QKI: variants seen among roughly 807,000 people sequenced by gnomAD.
QKI encodes KH domain-containing RNA-binding protein QKI.
Under a neutral mutation model 39.0 loss-of-function variants are expected in QKI, and 10 were observed. That is an observed-to-expected ratio of 0.26 (90% CI 0.16 to 0.43). The LOEUF (loss-of-function observed/expected upper bound fraction) is 0.43. Among genes scored for constraint, QKI ranks in the 20% least tolerant of loss-of-function variants. The pLI, the probability that QKI is intolerant of heterozygous loss-of-function variation, is 1.00. For synonymous variants in QKI, 204 were observed against 155.4 expected (o/e 1.31, Z -2.33); for missense variants, 218 against 428.0 (o/e 0.51, Z 4.33).
chr6:163,538,270 G>C (rs1646588834), intron 4 of QKI, among the ~76,000 whole-genome samples: 1 of 152,190 alleles, frequency 6.6e-6, no homozygotes, highest in South Asian at 2.1e-4. Context: ...TACTGACAAT[G>C]AGGAAAACAA....
intron 5 of QKI, among the ~76,000 whole-genome samples, chr6:163,562,980 A>G (rs1344907104): frequency 1.3e-5 from 2 of 152,200 alleles, no homozygotes; most frequent in Admixed American, 6.5e-5. Context: ...TGCAATAAAA[A>G]TTATTCTTTC....
chr6:163,568,525 C>T lies in QKI; in HGVS notation c.1009+1730C>T, dbSNP rs187069593. On this transcript the variant is annotated intron_variant, in intron 7 of 7. Coordinates refer to ENST00000361752, the MANE Select transcript of QKI (RefSeq NM_006775.3). ...ATTTCTTTTTTAGTAACAGAGTACT[C>T]GTATACTTATCACTGTATGCACTCA... 269 of 983,348 alleles carry T rather than the reference C, an allele frequency of 2.7e-4. No homozygotes were observed. In the African/African-American group the frequency reaches 3.6e-3, roughly 13 times the overall value. The allele number at this position is 983,348 out of a possible 1,614,324, so 60.9% of individuals were successfully genotyped here.
At chr6:163,523,522 A>G (rs187623807) in intron 3 of QKI, among the ~76,000 whole-genome samples, 6 of 152,334 alleles carry the variant, frequency 3.9e-5, no homozygotes, top group African/African-American at 1.4e-4. Context: ...TTTGTTTAAT[A>G]AATGCATAAT....
intron 7 of QKI, 139 bp downstream of exon 7, chr6:163,566,934 T>C (rs1484672405): frequency 7.6e-6 from 11 of 1,442,876 alleles, no homozygotes; most frequent in Non-Finnish European, 1.0e-5. Context: ...TTTGTGATCA[T>C]TGACAGATTT....
chr6:163,554,312 C>T (rs929983825), intron 4 of QKI, among the ~76,000 whole-genome samples: 4 of 152,124 alleles, frequency 2.6e-5, no homozygotes, highest in African/African-American at 9.7e-5. Flanking sequence ...TCTTCAGGGT[C>T]GGCTGCTTTA....
chr6:163,510,453 T>A (rs915599351), intron 3 of QKI, among the ~76,000 whole-genome samples: 1 of 145,148 alleles, frequency 6.9e-6, no homozygotes, highest in African/African-American at 2.6e-5. Context: ...CCCAGCTACT[T>A]GGGAGGCTGA....
At chr6:163,551,037 A>G (rs953704628) in intron 4 of QKI, among the ~76,000 whole-genome samples, 2 of 152,110 alleles carry the variant, frequency 1.3e-5, no homozygotes, top group Non-Finnish European at 2.9e-5. Flanking sequence ...ATGTTATCTA[A>G]TTCATTGATT....
intron 4 of QKI, among the ~76,000 whole-genome samples, chr6:163,554,906 G>A (rs575262042): frequency 1.3e-5 from 2 of 152,318 alleles, no homozygotes; most frequent in African/African-American, 4.8e-5. Flanking sequence ...AAATAGCACA[G>A]TGAGGCTTTA....
At chr6:163,560,101 C>T (rs1317792505) in intron 4 of QKI, among the ~76,000 whole-genome samples, 1 of 152,064 alleles carries the variant, frequency 6.6e-6, no homozygotes, top group African/African-American at 2.4e-5. Context: ...CTTCTCATAC[C>T]AGTCACTTAT....
intron 3 of QKI, among the ~76,000 whole-genome samples, chr6:163,523,778 T>C (rs1396332606): frequency 6.6e-6 from 1 of 152,222 alleles, no homozygotes; most frequent in African/African-American, 2.4e-5. Context: ...AATAGAAAGC[T>C]ACTGGTTGTG....
intron 4 of QKI, among the ~76,000 whole-genome samples, chr6:163,552,328 C>G (rs1157255584): frequency 6.6e-6 from 1 of 151,106 alleles, no homozygotes; most frequent in African/African-American, 2.4e-5. Context: ...CCTGCCTCAG[C>G]CTCCCAAGTA....
At chr6:163,538,367 T>G (rs928271235) in intron 4 of QKI, among the ~76,000 whole-genome samples, 1 of 152,166 alleles carries the variant, frequency 6.6e-6, no homozygotes, top group Non-Finnish European at 1.5e-5. Context: ...AGGGAACTGC[T>G]ATTTTATATG....
At chr6:163,478,334 G>C (rs531039742) in intron 2 of QKI, among the ~76,000 whole-genome samples, 1 of 152,236 alleles carries the variant, frequency 6.6e-6, no homozygotes, top group East Asian at 1.9e-4. Flanking sequence ...ATTTTTCTTA[G>C]GTAAATAAAA....
intron 1 of QKI, among the ~76,000 whole-genome samples, chr6:163,437,180 C>G (rs1415560720): frequency 6.6e-6 from 1 of 152,128 alleles, no homozygotes; most frequent in Non-Finnish European, 1.5e-5. Flanking sequence ...TCCAGGAAAG[C>G]TTTATTTTTA....
At chr6:163,563,378 G>A in intron 5 of QKI, 42 bp from the exon 6 acceptor site, 3 of 1,486,756 alleles carry the variant, frequency 2.0e-6, no homozygotes, top group Admixed American at 4.3e-5. Flanking sequence ...ATTTTATACT[G>A]CTGTCTCTAT....
At chr6:163,567,407 T>C in intron 7 of QKI, 1 of 985,662 alleles carries the variant, frequency 1.0e-6, no homozygotes, top group East Asian at 1.1e-4. Flanking sequence ...CCTTTTATTC[T>C]TACATTCTCT....
At chr6:163,453,263 T>C (rs1416033110) in intron 1 of QKI, among the ~76,000 whole-genome samples, 1 of 151,954 alleles carries the variant, frequency 6.6e-6, no homozygotes, top group Non-Finnish European at 1.5e-5. Context: ...CATTTTTCTT[T>C]TTCTATTTAT....
intron 3 of QKI, among the ~76,000 whole-genome samples, chr6:163,491,426 C>T (rs1778046890): frequency 6.6e-6 from 1 of 152,268 alleles, no homozygotes; most frequent in South Asian, 2.1e-4. Context: ...AACTAGCTCC[C>T]TGGTGTCCCT....
Position 163,415,217 on chromosome 6 carries a change from G to A in QKI, c.24G>A (p.Lys8=), listed in dbSNP as rs778499363. ...ATATGGTCGGGGAAATGGAAACGAA[G>A]GAGAAGCCGAAGCCCACCCCAGATT... MVGEMET[K]EKPKPTPDYL... is the part of the protein sequence containing the mutation. Residue 8 remains lysine, a synonymous_variant, in exon 1 of 8, where the codon AAG becomes AAA. Coordinates refer to ENST00000361752, the MANE Select transcript of QKI (RefSeq NM_006775.3). The A allele has an allele frequency of 3.1e-6, 5 of 1,591,538 alleles. No homozygotes were observed. Among genetic ancestry groups the A allele is most frequent in the Non-Finnish European group, 3.4e-6 (4 of 1,166,438 alleles).
Sources: allele counts gnomAD v4.1 joint callset (sites outside exome capture counted in the v4.1 genomes callset), GRCh38; gene constraint gnomAD v4.1.1; transcripts MANE v1.5; gene names NCBI Gene and HGNC (gene_info 2026-07-23, HGNC 2026-07-21).